Variants in CPM observed in about 807,000 individuals in gnomAD.
CPM encodes the protein renal carboxypeptidase.
Under a neutral mutation model 46.4 loss-of-function variants are expected in CPM, and 35 were observed. The ratio of observed to expected loss-of-function variants is 0.75; its 90% CI spans 0.58 to 1.00. The LOEUF is 1.00. Ranked by LOEUF, CPM falls within the 50% of genes least tolerant of loss-of-function variation. The pLI is 0.00. For synonymous variants in CPM, 195 were observed against 195.3 expected (o/e 1.00, Z 0.01); for missense variants, 422 against 530.4 (o/e 0.80, Z 2.01).
intron 2 of CPM, among the ~76,000 whole-genome samples, chr12:68,892,851 C>CA (rs903134421): frequency 3.3e-5 from 5 of 151,644 alleles, no homozygotes; most frequent in African/African-American, 1.2e-4. Flanking sequence ...TCAAAACAAA[C>CA]AAAAAAACAA....
intron 2 of CPM, among the ~76,000 whole-genome samples, chr12:68,920,695 TTTTC>T (rs1171819487): frequency 2.8e-5 from 4 of 145,446 alleles, no homozygotes; most frequent in African/African-American, 8.0e-5. Context: ...TTCTTTTTCT[TTTTC>T]TTTTTTTTTT....
chr12:68,867,251 G>C (rs1245764373), intron 6 of CPM, among the ~76,000 whole-genome samples: 1 of 152,156 alleles, frequency 6.6e-6, no homozygotes, highest in Non-Finnish European at 1.5e-5. Context: ...ATGGGTAACT[G>C]GATCAGAGCT....
In CPM at chr12:68,856,383, A is replaced by C. The variant is rs1592629250; in HGVS notation, c.*54T>G. Reference sequence around the variant, plus strand: ...GTGAGTTAGGGTTGCAGTAACCTGGAGTGAGCAATCCCTGATTCCAGGTGG... The same window carrying C: ...GTGAGTTAGGGTTGCAGTAACCTGGCGTGAGCAATCCCTGATTCCAGGTGG... On this transcript the variant is annotated 3_prime_UTR_variant, in exon 9 of 9. Coordinates refer to ENST00000551568, the MANE Select transcript of CPM (RefSeq NM_198320.5). 1 of 1,578,606 alleles carries C rather than the reference A, an allele frequency of 6.3e-7. No homozygotes were observed. The highest frequency in any genetic ancestry group is 8.6e-7 in the Non-Finnish European group (1 of 1,161,072).
At chr12:68,926,735 C>G (rs1159488177) in intron 2 of CPM, among the ~76,000 whole-genome samples, 1 of 152,018 alleles carries the variant, frequency 6.6e-6, no homozygotes, top group South Asian at 2.1e-4. Flanking sequence ...ACAACAGTCC[C>G]CAGAGTGTGA....
intron 3 of CPM, among the ~76,000 whole-genome samples, chr12:68,872,630 G>A (rs532546569): frequency 1.3e-5 from 2 of 152,246 alleles, no homozygotes; most frequent in African/African-American, 2.4e-5. Context: ...AAGAGGTTGA[G>A]TTACAGAGAA....
chr12:68,926,151 C>T (rs1205531033), intron 2 of CPM, among the ~76,000 whole-genome samples: 5 of 152,122 alleles, frequency 3.3e-5, no homozygotes, highest in African/African-American at 4.8e-5. Flanking sequence ...CTCCTGAGCT[C>T]GGGCGATCCA....
chr12:68,862,913 T>C (rs58778135), intron 7 of CPM, among the ~76,000 whole-genome samples: 3,211 of 150,118 alleles, frequency 0.021, 122 homozygotes, highest in African/African-American at 0.074. Flanking sequence ...TGAGAAGACA[T>C]AAAATCTGAG....
chr12:68,842,797 T>A (rs1420309522), intron 5 of CPM: 1 of 194,704 alleles, frequency 5.1e-6, no homozygotes, highest in Non-Finnish European at 1.1e-5. Flanking sequence ...ATAATATCTT[T>A]TATTTTGATT....
chr12:68,918,317 G>T (rs1887894358), intron 2 of CPM, among the ~76,000 whole-genome samples: 1 of 152,026 alleles, frequency 6.6e-6, no homozygotes, highest in Admixed American at 6.6e-5. Context: ...AGTCCTGCAG[G>T]TTTCAATACC....
In CPM at chr12:68,871,765, T is replaced by C. The variant is rs781691061; in HGVS notation, c.431+19A>G. 3 of 1,613,616 alleles carry C rather than the reference T, an allele frequency of 1.9e-6. No individual in the cohort carries two copies. Among genetic ancestry groups the C allele is most frequent in the African/African-American group, 1.3e-5 (1 of 75,016 alleles). Reference sequence around the variant, plus strand: ...GTGTTGTGTTGTTTTCAAGTAAAGATAGACCAGCCCCTCTTTACCTTCCGA... The same window carrying C: ...GTGTTGTGTTGTTTTCAAGTAAAGACAGACCAGCCCCTCTTTACCTTCCGA... On this transcript the variant is annotated intron_variant, in intron 4 of 8. Transcript: ENST00000551568.
intron 8 of CPM, among the ~76,000 whole-genome samples, chr12:68,858,485 G>T (rs890721089): frequency 1.3e-5 from 2 of 152,192 alleles, no homozygotes; most frequent in Non-Finnish European, 2.9e-5. Flanking sequence ...GTTAAAATTT[G>T]TGGATCAGAT....
intron 5 of CPM, chr12:68,844,253 A>G: frequency 4.6e-6 from 1 of 215,480 alleles, no homozygotes; most frequent in East Asian, 7.0e-5. Context: ...AATATCATAT[A>G]TTTGGGTAAC....
At chr12:68,911,011 C>T (rs1193161093) in intron 2 of CPM, among the ~76,000 whole-genome samples, 1 of 152,060 alleles carries the variant, frequency 6.6e-6, no homozygotes, top group Non-Finnish European at 1.5e-5. Flanking sequence ...TTCACATTGT[C>T]GAGTATATAA....
At chr12:68,888,004 T>C (rs962085478) in intron 2 of CPM, among the ~76,000 whole-genome samples, 2 of 152,214 alleles carry the variant, frequency 1.3e-5, no homozygotes, top group Non-Finnish European at 2.9e-5. Flanking sequence ...TGTCTGGAGC[T>C]TTACTTCTAC....
rs543734479 is a variant in CPM, at chr12:68,857,657, A to C, written c.1090-978T>G. Among the ~76,000 whole-genome samples, 5 of 152,246 alleles carry C rather than the reference A, an allele frequency of 3.3e-5. No homozygotes were observed. In the South Asian group the frequency reaches 1.0e-3, roughly 32 times the overall value. On this transcript the variant is annotated intron_variant, in intron 8 of 8. Coordinates refer to ENST00000551568, the MANE Select transcript of CPM (RefSeq NM_198320.5). ...AAAAAATGGGGAATGACATTTACATAACCACTCATTGGTATGTATTTTACA... is the reference window on the plus strand; with the variant it reads ...AAAAAATGGGGAATGACATTTACATCACCACTCATTGGTATGTATTTTACA...
intron 5 of CPM, chr12:68,844,664 A>G (rs1250696765): frequency 4.4e-6 from 1 of 225,158 alleles, no homozygotes; most frequent in African/African-American, 2.2e-5. Context: ...AAACAAAAAA[A>G]CTGGCTTTAA....
chr12:68,847,452 C>CTTTTCTT (rs1884399778), downstream of CPM: 1 of 88,722 alleles, frequency 1.1e-5, no homozygotes, highest in African/African-American at 5.6e-5. Flanking sequence ...TATCTCCTTT[C>CTTTTCTT]TTTTTTTTTT....
intron 1 of CPM, among the ~76,000 whole-genome samples, chr12:68,953,998 T>A (rs932594372): frequency 4.6e-5 from 7 of 152,180 alleles, no homozygotes; most frequent in Non-Finnish European, 8.8e-5. Context: ...GATTTTCTAT[T>A]TTTGTTAGGC....
intron 1 of CPM, among the ~76,000 whole-genome samples, chr12:68,951,213 A>T (rs913174294): frequency 2.0e-5 from 3 of 152,224 alleles, no homozygotes; most frequent in African/African-American, 7.2e-5. Context: ...TCCTTTTAGG[A>T]TTGTTGTGAT....
Sources: allele counts gnomAD v4.1 joint callset (sites outside exome capture counted in the v4.1 genomes callset), GRCh38; gene constraint gnomAD v4.1.1; transcripts MANE v1.5; gene names NCBI Gene and HGNC (gene_info 2026-07-23, HGNC 2026-07-21).